Variants in SDK1 observed in about 807,000 individuals in gnomAD.
SDK1 encodes the protein sidekick cell adhesion molecule 1.
In SDK1, 157 loss-of-function variants were observed where a neutral mutation model predicts 245.5. The observed-to-expected ratio is 0.64, with a 90% CI of 0.56 to 0.73. The LOEUF (loss-of-function observed/expected upper bound fraction) is 0.73. Among genes scored for constraint, SDK1 ranks in the 30% least tolerant of loss-of-function variants. The pLI is 0.00. For missense variants in SDK1, 3,583 were observed against 3,002.3 expected (o/e 1.19, Z -4.52); for synonymous variants, 1,647 against 1,278.5 (o/e 1.29, Z -6.15).
intron 19 of SDK1, among the ~76,000 whole-genome samples, chr7:4,058,162 C>G (rs892662511): frequency 6.6e-6 from 1 of 151,800 alleles, no homozygotes; most frequent in Non-Finnish European, 1.5e-5. Context: ...ATCCAAAAAA[C>G]ATTTCAATAC....
chr7:3,782,449 C>G (rs909764884), intron 4 of SDK1, among the ~76,000 whole-genome samples: 5 of 152,162 alleles, frequency 3.3e-5, no homozygotes, highest in Non-Finnish European at 7.3e-5. Flanking sequence ...GAAATCATAT[C>G]AACCCAAGTA....
chr7:3,641,117 C>G (rs1371175467), intron 3 of SDK1, among the ~76,000 whole-genome samples: 1 of 152,066 alleles, frequency 6.6e-6, no homozygotes, highest in East Asian at 1.9e-4. Context: ...GTATTAGACA[C>G]TGTCACATAG....
chr7:3,778,008 T>C (rs1780616070), intron 4 of SDK1, among the ~76,000 whole-genome samples: 2 of 152,206 alleles, frequency 1.3e-5, no homozygotes, highest in Admixed American at 1.3e-4. Flanking sequence ...CTAACATGAT[T>C]TTGTTTTACA....
chr7:3,768,366 T>G (rs1012821350), intron 4 of SDK1, among the ~76,000 whole-genome samples: 1 of 152,226 alleles, frequency 6.6e-6, no homozygotes, highest in Non-Finnish European at 1.5e-5. Flanking sequence ...TACAGCCGAT[T>G]GAGCATGCTG....
chr7:3,882,386 A>G (rs1041686922), intron 5 of SDK1, among the ~76,000 whole-genome samples: 2 of 152,174 alleles, frequency 1.3e-5, no homozygotes, highest in South Asian at 4.1e-4. Context: ...TCAATGCCGT[A>G]TGAGCCAGGA....
chr7:3,500,797 A>C (rs1782178781), intron 1 of SDK1, among the ~76,000 whole-genome samples: 1 of 151,794 alleles, frequency 6.6e-6, no homozygotes, highest in Admixed American at 6.6e-5. Flanking sequence ...CTCCTATACT[A>C]GTCCTCTGTT....
intron 5 of SDK1, among the ~76,000 whole-genome samples, chr7:3,935,976 G>A (rs939272490): frequency 1.3e-5 from 2 of 152,200 alleles, no homozygotes; most frequent in African/African-American, 4.8e-5. Flanking sequence ...TAATTAGAAG[G>A]TGAGAACAAT....
chr7:4,141,625 T>C (rs542276957), intron 28 of SDK1, among the ~76,000 whole-genome samples: 33 of 152,282 alleles, frequency 2.2e-4, no homozygotes, highest in Non-Finnish European at 4.1e-4. Context: ...GGTAGGCTGG[T>C]GGGATCCATA....
At chr7:3,974,597 G>A (rs776535059) in intron 13 of SDK1, 52 bp downstream of exon 13, 2 of 1,564,016 alleles carry the variant, frequency 1.3e-6, no homozygotes, top group Admixed American at 1.7e-5. Context: ...CTCCGTTACT[G>A]TGCCCCTGTT....
chr7:3,656,833 C>T (rs56100032), intron 4 of SDK1, among the ~76,000 whole-genome samples: 46,669 of 151,232 alleles, frequency 0.31, 7,452 homozygotes, highest in South Asian at 0.45. Context: ...CTGCAAGCTC[C>T]GCCTCCCGGG....
chr7:4,139,737 ATG>A lies in SDK1; in HGVS notation c.4229-5965_4229-5964del, dbSNP rs753347309. 2.4e-3 allele frequency among the ~76,000 whole-genome samples: 153 copies of A among 63,138 alleles called. 1 individual carries two copies. The highest frequency in any genetic ancestry group is 6.7e-3 in the African/African-American group (129 of 19,170). 41.4% of individuals were successfully genotyped at this position (63,138 alleles called of 152,430 possible). ...TGTGTGTGTATGTGTGTGTGTGTGT[ATG>A]TGTGTGTGTGTGTGTGTGTATAATC... On this transcript the variant is annotated intron_variant, in intron 28 of 44. Coordinates refer to ENST00000404826, the MANE Select transcript of SDK1 (RefSeq NM_152744.4).
At chr7:3,966,654 G>A (rs1232922962) in intron 9 of SDK1, among the ~76,000 whole-genome samples, 2 of 152,006 alleles carry the variant, frequency 1.3e-5, no homozygotes, top group Non-Finnish European at 2.9e-5. Flanking sequence ...GTCATCTTGT[G>A]GATGACATTT....
At chr7:3,661,811 A>G (rs4722994) in intron 4 of SDK1, among the ~76,000 whole-genome samples, 3 of 151,868 alleles carry the variant, frequency 2.0e-5, no homozygotes, top group African/African-American at 7.3e-5. Context: ...TCGGGCAAGC[A>G]CCTGGGCTTC....
At chr7:3,583,161 A>G (rs979207833) in intron 1 of SDK1, among the ~76,000 whole-genome samples, 5 of 152,206 alleles carry the variant, frequency 3.3e-5, no homozygotes, top group African/African-American at 1.2e-4. Context: ...CGTGTAGGCC[A>G]TGCAGCAGCT....
At chr7:4,194,402 G>A (rs1381697670) in intron 35 of SDK1, among the ~76,000 whole-genome samples, 2 of 128,832 alleles carry the variant, frequency 1.6e-5, no homozygotes, top group East Asian at 4.2e-4. Flanking sequence ...ATACATATAT[G>A]TATGCACATA....
chr7:3,626,430 C>A (rs1355361048), intron 2 of SDK1, among the ~76,000 whole-genome samples: 1 of 152,138 alleles, frequency 6.6e-6, no homozygotes, highest in African/African-American at 2.4e-5. Context: ...CTTACTGGAC[C>A]AAGTCTCAAG....
chr7:4,165,886 A>G (rs1781468838), intron 32 of SDK1, among the ~76,000 whole-genome samples: 1 of 152,088 alleles, frequency 6.6e-6, no homozygotes, highest in Non-Finnish European at 1.5e-5. Context: ...TCCTGGGCTC[A>G]AGCAATCCTC....
chr7:3,857,544 A>C (rs930793756), intron 5 of SDK1, among the ~76,000 whole-genome samples: 3 of 151,930 alleles, frequency 2.0e-5, no homozygotes, highest in South Asian at 4.2e-4. Context: ...GAAATTAACC[A>C]CGTGTGGTGG....
chr7:3,892,734 C>G (rs540081695), intron 5 of SDK1, among the ~76,000 whole-genome samples: 1 of 152,212 alleles, frequency 6.6e-6, no homozygotes, highest in South Asian at 2.1e-4. Context: ...CGGAGGCCCT[C>G]CAGTCCAGGT....
Sources: allele counts gnomAD v4.1 joint callset (sites outside exome capture counted in the v4.1 genomes callset), GRCh38; gene constraint gnomAD v4.1.1; transcripts MANE v1.5; gene names NCBI Gene and HGNC (gene_info 2026-07-23, HGNC 2026-07-21).